Variants in PTPRT observed in about 807,000 individuals in gnomAD.
PTPRT encodes receptor-type tyrosine-protein phosphatase T.
A neutral mutation model predicts 176.8 loss-of-function variants in PTPRT; 56 were observed. The observed-to-expected ratio is 0.32, with a 90% CI of 0.26 to 0.40. The LOEUF (loss-of-function observed/expected upper bound fraction) is 0.40, where lower values mean the gene tolerates loss of function less well. PTPRT is among the 10% of genes least tolerant of loss of function. The pLI is 1.00. For missense variants in PTPRT, 1,540 were observed against 1,908.2 expected, an observed-to-expected ratio of 0.81 and a Z score of 3.60; for synonymous variants, 783 against 739.0, an observed-to-expected ratio of 1.06 and a Z score of -0.96.
Position 42,218,582 on chromosome 20 carries a change from C to T in PTPRT, c.2342+17647G>A, listed in dbSNP as rs570670162. Among the ~76,000 whole-genome samples, 94 of 152,254 alleles carry T rather than the reference C, an allele frequency of 6.2e-4. No homozygotes were observed. In the South Asian group the frequency reaches 0.017, roughly 28 times the overall value. Reference sequence around the variant, plus strand: ...AGCACTGTTGCATGTATGTTTGTGACCCCAGGCCCCTCTCCTTGCACTGAC... The same window carrying T: ...AGCACTGTTGCATGTATGTTTGTGATCCCAGGCCCCTCTCCTTGCACTGAC... On this transcript the variant is annotated intron_variant, in intron 15 of 30. Coordinates refer to ENST00000373187, the MANE Select transcript of PTPRT (RefSeq NM_007050.6).
intron 9 of PTPRT, among the ~76,000 whole-genome samples, chr20:42,392,453 A>T (rs1382785613): frequency 6.6e-6 from 1 of 151,986 alleles, no homozygotes; most frequent in Admixed American, 6.6e-5. Context: ...AATCCATTTC[A>T]TTTTTCTTAC....
chr20:43,011,932 C>T (rs1168577731), intron 1 of PTPRT, among the ~76,000 whole-genome samples: 1 of 152,132 alleles, frequency 6.6e-6, no homozygotes, highest in African/African-American at 2.4e-5. Flanking sequence ...TGCTTCCTGC[C>T]CTCGAACATC....
chr20:42,697,560 T>C (rs2075901371), intron 6 of PTPRT, among the ~76,000 whole-genome samples: 1 of 152,234 alleles, frequency 6.6e-6, no homozygotes, highest in African/African-American at 2.4e-5. Context: ...GACACGGCCA[T>C]GGGGCAGACA....
chr20:42,607,817 C>T (rs570612667), intron 7 of PTPRT, among the ~76,000 whole-genome samples: 77 of 151,996 alleles, frequency 5.1e-4, no homozygotes, highest in Non-Finnish European at 7.1e-4. Context: ...CTTTTGCTTC[C>T]GGGTCTTCTT....
At chr20:42,399,763 T>A (rs1471397256) in intron 9 of PTPRT, among the ~76,000 whole-genome samples, 1 of 152,202 alleles carries the variant, frequency 6.6e-6, no homozygotes, top group Admixed American at 6.5e-5. Context: ...ACATGAGATA[T>A]ATTTACTGAC....
intron 1 of PTPRT, among the ~76,000 whole-genome samples, chr20:42,965,257 T>G (rs966152372): frequency 6.6e-6 from 1 of 152,218 alleles, no homozygotes; most frequent in African/African-American, 2.4e-5. Context: ...CCCGGATTTA[T>G]AGTATTTGCT....
At chr20:42,957,022 G>A (rs1981685011) in intron 1 of PTPRT, among the ~76,000 whole-genome samples, 1 of 152,050 alleles carries the variant, frequency 6.6e-6, no homozygotes, top group Non-Finnish European at 1.5e-5. Context: ...CTAAAGGAGT[G>A]GTTTCATTGG....
At chr20:42,651,383 C>T (rs990308271) in intron 7 of PTPRT, among the ~76,000 whole-genome samples, 1 of 152,194 alleles carries the variant, frequency 6.6e-6, no homozygotes, top group African/African-American at 2.4e-5. Context: ...TACTTACCAA[C>T]AACTGTCATG....
At chr20:43,010,687 A>G (rs1431128705) in intron 1 of PTPRT, among the ~76,000 whole-genome samples, 1 of 150,748 alleles carries the variant, frequency 6.6e-6, no homozygotes, top group Non-Finnish European at 1.5e-5. Context: ...AATACCTTGC[A>G]TCAGCTACGA....
At chr20:42,497,842 G>C (rs550952076) in intron 7 of PTPRT, among the ~76,000 whole-genome samples, 2 of 152,218 alleles carry the variant, frequency 1.3e-5, no homozygotes, top group East Asian at 3.9e-4. Context: ...ATGCATGCTG[G>C]TATAGCTGTG....
chr20:42,674,488 G>T (rs2075466399), intron 7 of PTPRT, among the ~76,000 whole-genome samples: 1 of 152,134 alleles, frequency 6.6e-6, no homozygotes, highest in South Asian at 2.1e-4. Context: ...GTCCACGGGG[G>T]CTGCTAAAGT....
intron 7 of PTPRT, among the ~76,000 whole-genome samples, chr20:42,570,447 C>T (rs992676182): frequency 1.3e-5 from 2 of 152,198 alleles, no homozygotes; most frequent in Non-Finnish European, 2.9e-5. Context: ...AAGTTTCTGA[C>T]TCCACCAAAC....
At chr20:42,250,012 C>T (rs940568867) in intron 13 of PTPRT, among the ~76,000 whole-genome samples, 7 of 152,226 alleles carry the variant, frequency 4.6e-5, no homozygotes, top group African/African-American at 1.7e-4. Flanking sequence ...ACATCTACAT[C>T]AGCTCACTCT....
At chr20:42,853,914 A>G (rs1187447326) in intron 2 of PTPRT, among the ~76,000 whole-genome samples, 1 of 152,212 alleles carries the variant, frequency 6.6e-6, no homozygotes, top group Non-Finnish European at 1.5e-5. Flanking sequence ...TGAATAGACT[A>G]ACCCCGTGGC....
intron 7 of PTPRT, among the ~76,000 whole-genome samples, chr20:42,598,816 C>T (rs938778948): frequency 6.6e-6 from 1 of 152,186 alleles, no homozygotes; most frequent in Non-Finnish European, 1.5e-5. Flanking sequence ...TCTATTGTGG[C>T]TGCCTCGCCC....
At chr20:42,849,345 T>C (rs1427646022) in intron 2 of PTPRT, among the ~76,000 whole-genome samples, 2 of 152,192 alleles carry the variant, frequency 1.3e-5, no homozygotes, top group Non-Finnish European at 2.9e-5. Flanking sequence ...GAATTCAGAG[T>C]TCCATTGTTC....
intron 7 of PTPRT, among the ~76,000 whole-genome samples, chr20:42,570,521 G>C (rs941438020): frequency 1.3e-5 from 2 of 152,158 alleles, no homozygotes; most frequent in African/African-American, 4.8e-5. Flanking sequence ...ACCAAGGTGA[G>C]AGGCTCATAA....
the PTPRT span, among the ~76,000 whole-genome samples, chr20:42,038,834 G>T: frequency 6.6e-6 from 1 of 152,302 alleles, no homozygotes; most frequent in South Asian, 2.1e-4. Flanking sequence ...CAGACCTTGT[G>T]CTGCATCAGC....
At chr20:42,408,813 AC>A (rs562306893) in intron 9 of PTPRT, among the ~76,000 whole-genome samples, 40 of 152,360 alleles carry the variant, frequency 2.6e-4, no homozygotes, top group Non-Finnish European at 5.4e-4. Context: ...TTATTTTCTC[AC>A]AGTTCTGGCA....
Sources: gnomAD v4.1 joint callset for allele counts (sites outside exome capture counted in the v4.1 genomes callset) on GRCh38, gnomAD v4.1.1 for gene constraint, MANE v1.5 for transcripts, NCBI Gene and HGNC (gene_info 2026-07-23, HGNC 2026-07-21) for gene names.